Variants in CCM2 observed in about 807,000 individuals in gnomAD.
The protein encoded by CCM2 is cerebral cavernous malformations 2 protein.
In CCM2, 25 loss-of-function variants were observed where a neutral mutation model predicts 44.9. That is an observed-to-expected ratio of 0.56 (90% CI 0.41 to 0.78). CCM2 has a LOEUF of 0.78. Ranked by LOEUF, CCM2 falls within the 30% of genes least tolerant of loss-of-function variation. CCM2 has a pLI of 0.00. For synonymous variants in CCM2, 219 were observed against 241.1 expected, an observed-to-expected ratio of 0.91 and a Z score of 0.85; for missense variants, 481 against 580.6, an observed-to-expected ratio of 0.83 and a Z score of 1.76.
rs191129471 is a variant in CCM2, at chr7:45,065,653, C to T, written c.472+1007C>T. Among the ~76,000 whole-genome samples, 144 of 152,280 alleles carry T rather than the reference C, an allele frequency of 9.5e-4. 2 individuals are homozygous for T. Among genetic ancestry groups the T allele is most frequent in the African/African-American group, 3.3e-3 (139 of 41,544 alleles). ...CACTGAAAGCCTGTGAGTCTAGATG[C>T]TTGGGGTTGCTGTGGTCATAAACTA... is the stretch of plus-strand genomic sequence containing the variant. On this transcript the variant is annotated intron_variant, in intron 4 of 9. Coordinates refer to ENST00000258781, the MANE Select transcript of CCM2 (RefSeq NM_031443.4).
At chr7:45,070,404 C>A in intron 6 of CCM2, 1 of 455,412 alleles carries the variant, frequency 2.2e-6, no homozygotes, top group Non-Finnish European at 4.4e-6. Flanking sequence ...TGGCCAGACC[C>A]ATGGGAAGCT....
intron 2 of CCM2, among the ~76,000 whole-genome samples, chr7:45,053,141 C>T (rs1798090029): frequency 6.6e-6 from 1 of 152,186 alleles, no homozygotes. Flanking sequence ...GTTTGGGTCC[C>T]TAAGTATGTG....
At chr7:45,061,585 A>G (rs1798525508) in intron 2 of CCM2, among the ~76,000 whole-genome samples, 1 of 150,936 alleles carries the variant, frequency 6.6e-6, no homozygotes, top group African/African-American at 2.4e-5. Context: ...CTCCCATCTC[A>G]GCCTCCTGAG....
chr7:45,065,062 G>A (rs1383418130), intron 4 of CCM2, among the ~76,000 whole-genome samples: 1 of 152,180 alleles, frequency 6.6e-6, no homozygotes, highest in Admixed American at 6.5e-5. Flanking sequence ...ACCTGGGACA[G>A]AAAAGATGAG....
chr7:45,063,792 G>C, intron 2 of CCM2, 126 bp from the exon 3 acceptor site: 1 of 742,456 alleles, frequency 1.3e-6, no homozygotes, highest in Non-Finnish European at 2.5e-6. Flanking sequence ...CACGCGAGCC[G>C]GAATGGAGAC....
chr7:45,003,427 T>C (rs1171088357), intron 1 of CCM2, among the ~76,000 whole-genome samples: 1 of 152,172 alleles, frequency 6.6e-6, no homozygotes, highest in Non-Finnish European at 1.5e-5. Context: ...TGGATTTTTA[T>C]ACTCAGATCA....
intron 6 of CCM2, chr7:45,071,353 ATAAAG>A (rs1799062647): frequency 6.4e-6 from 1 of 157,170 alleles, no homozygotes; most frequent in African/African-American, 2.4e-5. Context: ...ATGAATTTTC[ATAAAG>A]TAAACACATC....
At chr7:45,064,371 G>A in intron 3 of CCM2, 92 bp from the exon 4 acceptor site, 2 of 1,269,096 alleles carry the variant, frequency 1.6e-6, no homozygotes, top group African/African-American at 1.5e-5. Context: ...TGTCACATGT[G>A]TGACATCGGC....
chr7:45,073,010 C>T (rs1799155483), intron 7 of CCM2: 1 of 639,646 alleles, frequency 1.6e-6, no homozygotes, highest in South Asian at 1.7e-5. Context: ...TGCCTACCTT[C>T]CCATGGCCTC....
chr7:45,021,830 C>T (rs1161937867), intron 1 of CCM2, among the ~76,000 whole-genome samples: 4 of 152,086 alleles, frequency 2.6e-5, no homozygotes, highest in African/African-American at 7.2e-5. Context: ...GCTGTGACAG[C>T]TGTTGAAGCT....
chr7:45,025,687 A>G (rs567370219), intron 1 of CCM2, among the ~76,000 whole-genome samples: 4 of 152,266 alleles, frequency 2.6e-5, no homozygotes, highest in African/African-American at 9.6e-5. Flanking sequence ...GGCATGCGCC[A>G]TCACGCCCAG....
chr7:45,068,541 G>C lies in CCM2; in HGVS notation c.571G>C (p.Glu191Gln). The change falls in exon 5 of 10, where the codon GAG becomes CAG. Residue 191 changes from glutamate (E) to glutamine (Q), a missense_variant. Physicochemically the swap from Glu to Gln is conservative, Grantham distance 29. Transcript: ENST00000258781. Reference sequence around the variant, plus strand: ...GTCGGAGAGTGCAGTTGGGCCCGTGGAGGCATGCTGCCTGGTCATCCTGGC... The same window carrying C: ...GTCGGAGAGTGCAGTTGGGCCCGTGCAGGCATGCTGCCTGGTCATCCTGGC... Reference protein sequence around the residue: ...SLSESAVGPVEACCLVILAAE... With the variant: ...SLSESAVGPVQACCLVILAAE... 6.2e-7 allele frequency: 1 copy of C among 1,614,168 alleles called. No homozygotes were observed. Among genetic ancestry groups the C allele is most frequent in the Non-Finnish European group, 8.5e-7 (1 of 1,180,030 alleles).
rs1236505448 is a variant in CCM2, at chr7:45,037,162, C to T, written c.31-1091C>T. 2.0e-5 allele frequency among the ~76,000 whole-genome samples: 3 copies of T among 151,638 alleles called. No homozygotes were observed. In the South Asian group the frequency reaches 6.3e-4, roughly 32 times the overall value. On this transcript the variant is annotated intron_variant, in intron 1 of 9. Coordinates refer to ENST00000258781, the MANE Select transcript of CCM2 (RefSeq NM_031443.4). ...TTGGGATTGCTTCCCCCCAGACCCC[C>T]ACCCCCCGCCGCCATTGTCAAAGGT...
At chr7:45,066,924 G>A (rs932237317) in intron 4 of CCM2, among the ~76,000 whole-genome samples, 10 of 149,338 alleles carry the variant, frequency 6.7e-5, no homozygotes, top group East Asian at 1.9e-4. Flanking sequence ...TTTTTGAGAC[G>A]GAGTCTCGCT....
intron 1 of CCM2, among the ~76,000 whole-genome samples, chr7:45,029,237 G>C (rs1436108558): frequency 6.6e-6 from 1 of 152,178 alleles, no homozygotes; most frequent in African/African-American, 2.4e-5. Context: ...TGTACTGAAT[G>C]TTGGCCTTAA....
chr7:45,053,462 G>C (rs1268940439), intron 2 of CCM2, among the ~76,000 whole-genome samples: 2 of 152,124 alleles, frequency 1.3e-5, no homozygotes, highest in African/African-American at 4.8e-5. Context: ...CACCCTTCTT[G>C]GCTTCGTATC....
At position 45,039,930 on chromosome 7, in the gene CCM2, G is replaced by A. The variant is rs1396040986; in HGVS notation, c.204+1504G>A. ...TAATCCCAGCTACTTGGGAGGCTGA[G>A]GCAGGAGAATTGCTTGAACCTGGGA... On this transcript the variant is annotated intron_variant, in intron 2 of 9. Transcript: ENST00000258781. Among the ~76,000 whole-genome samples the A allele has an allele frequency of 2.0e-5, 3 of 151,424 alleles. No homozygotes were observed. The East Asian group carries it at 5.9e-4, about 30-fold the overall frequency.
intron 7 of CCM2, chr7:45,073,144 C>T (rs934724462): frequency 3.1e-5 from 18 of 572,910 alleles, no homozygotes; most frequent in Non-Finnish European, 5.0e-5. Flanking sequence ...CACCCACTCG[C>T]GCTCTCCATT....
chr7:45,061,447 T>G (rs62458150), intron 2 of CCM2, among the ~76,000 whole-genome samples: 19,613 of 149,276 alleles, frequency 0.13, 1,606 homozygotes, highest in Middle Eastern at 0.22. Flanking sequence ...CCTTTTTCTT[T>G]CTTTCTTTCT....
Sources: allele counts gnomAD v4.1 joint callset (sites outside exome capture counted in the v4.1 genomes callset), GRCh38; gene constraint gnomAD v4.1.1; transcripts MANE v1.5; gene names NCBI Gene and HGNC (gene_info 2026-07-23, HGNC 2026-07-21).